Variants in MTCL2 observed in about 807,000 individuals in gnomAD.
MTCL2 encodes the protein microtubule cross-linking factor 2.
the MTCL2 span, chr20:36,784,350 G>A: frequency 1.0e-6 from 1 of 985,822 alleles, no homozygotes. Context: ...CATGACCCTG[G>A]TGTTCAGCCT....
At chr20:36,778,033 C>T in the MTCL2 span, 2 of 470,130 alleles carry the variant, frequency 4.3e-6, no homozygotes, top group South Asian at 7.4e-5. Flanking sequence ...TCCTGCCTCC[C>T]CAGGACTCCC....
chr20:36,846,759 C>A, the MTCL2 span, among the ~76,000 whole-genome samples: 1 of 152,222 alleles, frequency 6.6e-6, no homozygotes, highest in Non-Finnish European at 1.5e-5. Context: ...GTAATCCCAG[C>A]ACTTTGGGAG....
At chr20:36,800,855 C>T in the MTCL2 span, among the ~76,000 whole-genome samples, 3 of 152,322 alleles carry the variant, frequency 2.0e-5, no homozygotes, top group East Asian at 3.9e-4. Context: ...GTCCTTCTCA[C>T]TGTGCAGCTG....
At chr20:36,844,459 C>T in the MTCL2 span, among the ~76,000 whole-genome samples, 4 of 151,444 alleles carry the variant, frequency 2.6e-5, no homozygotes, top group Admixed American at 6.6e-5. Flanking sequence ...CCAAATAGGC[C>T]GTGACTTTAA....
the MTCL2 span, among the ~76,000 whole-genome samples, chr20:36,855,371 A>C: frequency 6.6e-6 from 1 of 152,214 alleles, no homozygotes; most frequent in Admixed American, 6.5e-5. Context: ...TGGACCTCGG[A>C]GAACAAAGGG....
At chr20:36,846,696 A>G in the MTCL2 span, among the ~76,000 whole-genome samples, 1 of 152,038 alleles carries the variant, frequency 6.6e-6, no homozygotes, top group African/African-American at 2.4e-5. Context: ...GCGTCCAAAT[A>G]GGCTGTGACT....
chr20:36,850,463 T>C, the MTCL2 span, among the ~76,000 whole-genome samples: 1 of 151,560 alleles, frequency 6.6e-6, no homozygotes, highest in Non-Finnish European at 1.5e-5. Context: ...GAGGTGGAGG[T>C]TGCAGTGAGC....
chr20:36,778,138 T>A, the MTCL2 span: 1 of 289,494 alleles, frequency 3.5e-6, no homozygotes, highest in Non-Finnish European at 6.4e-6. Context: ...CAATGTGTGC[T>A]TTCTCCAGGC....
At chr20:36,822,167 C>T in the MTCL2 span, among the ~76,000 whole-genome samples, 10 of 152,276 alleles carry the variant, frequency 6.6e-5, no homozygotes, top group African/African-American at 1.7e-4. Flanking sequence ...CCCCTCTGCA[C>T]GGCAGCAGCT....
the MTCL2 span, among the ~76,000 whole-genome samples, chr20:36,850,442 C>T: frequency 6.6e-6 from 1 of 151,898 alleles, no homozygotes; most frequent in East Asian, 1.9e-4. Flanking sequence ...CGGAGAATTG[C>T]TTGAACCCAG....
chr20:36,839,353 T>C, the MTCL2 span: 5 of 1,612,982 alleles, frequency 3.1e-6, no homozygotes, highest in Non-Finnish European at 3.4e-6. The surrounding 1 kb of genome is among the most constrained non-coding windows in gnomAD (Gnocchi z 5.1). Context: ...GTCCAGCTGC[T>C]GTCGCAGCTC....
chr20:36,814,989 G>T, the MTCL2 span: 2 of 799,528 alleles, frequency 2.5e-6, no homozygotes, highest in Non-Finnish European at 3.8e-6. Flanking sequence ...TAGAGCCCAG[G>T]ATATCGAGGC....
the MTCL2 span, among the ~76,000 whole-genome samples, chr20:36,837,587 ATTATTT>A: frequency 1.8e-5 from 2 of 112,812 alleles, no homozygotes; most frequent in African/African-American, 3.1e-5. Flanking sequence ...TATTATTATT[ATTATTT>A]TTGAGACGGA....
the MTCL2 span, among the ~76,000 whole-genome samples, chr20:36,836,595 C>T: frequency 2.0e-5 from 3 of 151,968 alleles, no homozygotes; most frequent in Admixed American, 6.6e-5. Flanking sequence ...CCATCCGCCT[C>T]GGCCTGCCAA....
chr20:36,828,809 A>G, the MTCL2 span: 6,216 of 456,656 alleles, frequency 0.014, 387 homozygotes, highest in African/African-American at 0.12. Flanking sequence ...TTACCCCGTG[A>G]GCTCCCTGAG....
chr20:36,830,646 T>C, the MTCL2 span, among the ~76,000 whole-genome samples: 1 of 152,206 alleles, frequency 6.6e-6, no homozygotes, highest in Non-Finnish European at 1.5e-5. Context: ...AGATGGGCCC[T>C]AGACCACTGA....
At chr20:36,844,481 A>G in the MTCL2 span, among the ~76,000 whole-genome samples, 3 of 151,720 alleles carry the variant, frequency 2.0e-5, no homozygotes, top group Non-Finnish European at 4.4e-5. Flanking sequence ...AATGGCTATC[A>G]TTGGCCAGGT....
chr20:36,798,137 G>A, the MTCL2 span, among the ~76,000 whole-genome samples: 2 of 151,450 alleles, frequency 1.3e-5, no homozygotes, highest in Non-Finnish European at 2.9e-5. Context: ...TGGTACGATC[G>A]CAGCTCACTG....
At chr20:36,804,886 T>C in the MTCL2 span, 3 of 1,612,848 alleles carry the variant, frequency 1.9e-6, no homozygotes, top group Admixed American at 5.0e-5. Context: ...GGCCAGTGTC[T>C]TGATGTACTC....
Sources: allele counts gnomAD v4.1 joint callset (sites outside exome capture counted in the v4.1 genomes callset), GRCh38; gene constraint gnomAD v4.1.1; non-coding constraint Gnocchi (gnomAD v3.1); transcripts MANE v1.5; gene names NCBI Gene and HGNC (gene_info 2026-07-23, HGNC 2026-07-21).